Variants in ARHGAP10 observed in about 807,000 individuals in gnomAD.
The protein encoded by ARHGAP10 is Rho GTPase activating protein 10.
ARHGAP10 carries 87 observed loss-of-function variants against 108.6 expected under a neutral mutation model. That is an observed-to-expected ratio of 0.80 (90% CI 0.67 to 0.96). The LOEUF is 0.96. ARHGAP10 is among the 40% of genes least tolerant of loss of function. The probability of loss-of-function intolerance (pLI) is 0.00; values close to 1 mark genes in which losing one functional copy is unlikely to be tolerated. For missense variants in ARHGAP10, 939 were observed against 954.5 expected, an observed-to-expected ratio of 0.98 and a Z score of 0.21; for synonymous variants, 347 against 341.1, an observed-to-expected ratio of 1.02 and a Z score of -0.19.
intron 20 of ARHGAP10, among the ~76,000 whole-genome samples, chr4:148,055,952 C>T (rs1178700855): frequency 6.6e-6 from 1 of 152,150 alleles, no homozygotes; most frequent in Non-Finnish European, 1.5e-5. Flanking sequence ...ACGTCCCTTC[C>T]AGGCTTCTTA....
At chr4:147,789,061 CT>C (rs1468179461) in intron 1 of ARHGAP10, among the ~76,000 whole-genome samples, 1 of 152,164 alleles carries the variant, frequency 6.6e-6, no homozygotes, top group Non-Finnish European at 1.5e-5. Flanking sequence ...GTGGTGACTG[CT>C]TTTGTGAGTG....
At chr4:147,738,556 C>T (rs555025947) in intron 1 of ARHGAP10, among the ~76,000 whole-genome samples, 1 of 151,036 alleles carries the variant, frequency 6.6e-6, no homozygotes, top group Non-Finnish European at 1.5e-5. Context: ...CTGTCTCCCC[C>T]CCCCAAAAAA....
At chr4:147,739,615 T>C (rs566720703) in intron 1 of ARHGAP10, among the ~76,000 whole-genome samples, 109 of 152,326 alleles carry the variant, frequency 7.2e-4, no homozygotes, top group African/African-American at 2.5e-3. Context: ...GGGATTTTCC[T>C]AAGAGCTGTT....
intron 10 of ARHGAP10, among the ~76,000 whole-genome samples, chr4:147,889,136 A>G (rs1282997396): frequency 2.0e-5 from 3 of 152,198 alleles, no homozygotes; most frequent in South Asian, 2.1e-4. Context: ...ATTAGATTCA[A>G]TCAAGCAACT....
chr4:147,874,578 C>CT (rs1443301657), intron 7 of ARHGAP10, among the ~76,000 whole-genome samples: 1 of 152,180 alleles, frequency 6.6e-6, no homozygotes, highest in Non-Finnish European at 1.5e-5. Context: ...TTTTCAGATT[C>CT]TGAGTATTTA....
intron 18 of ARHGAP10, among the ~76,000 whole-genome samples, chr4:148,022,510 G>A (rs1456594547): frequency 6.6e-6 from 1 of 152,224 alleles, no homozygotes; most frequent in African/African-American, 2.4e-5. Context: ...CAGCTATGGA[G>A]GGTCTATTAT....
chr4:147,732,205 C>T lies in ARHGAP10; in HGVS notation c.-97C>T, dbSNP rs1578976399. 19 of 1,298,652 alleles carry T rather than the reference C, an allele frequency of 1.5e-5. No homozygotes were observed. The East Asian group carries it at 5.9e-4, about 40-fold the overall frequency. The allele number at this position is 1,298,652 out of a possible 1,614,324, so 80.4% of individuals were successfully genotyped here. On this transcript the variant is annotated 5_prime_UTR_variant, in exon 1 of 23. Coordinates refer to ENST00000336498, the MANE Select transcript of ARHGAP10 (RefSeq NM_024605.4). ...GCCCGGGCCTGCTAGCTCCTCTGTG[C>T]TCCCTGAACGCGCGGCGCCGCACCT... is the stretch of plus-strand genomic sequence containing the variant.
At chr4:148,060,508 C>T (rs575936556) in intron 20 of ARHGAP10, among the ~76,000 whole-genome samples, 144 of 152,218 alleles carry the variant, frequency 9.5e-4, no homozygotes, top group Non-Finnish European at 1.2e-3. Flanking sequence ...CCTTCCCAGC[C>T]GACAAGCCTC....
rs531409987 is a variant in ARHGAP10, at chr4:147,792,054, TGTGGTAGCAC to T, written c.155-30669_155-30660del. 2.6e-5 allele frequency among the ~76,000 whole-genome samples: 4 copies of T among 152,364 alleles called. No individual in the cohort carries two copies. In the East Asian group the frequency reaches 7.7e-4, roughly 29 times the overall value. On this transcript the variant is annotated intron_variant, in intron 1 of 22. Coordinates refer to ENST00000336498, the MANE Select transcript of ARHGAP10 (RefSeq NM_024605.4). Reference sequence around the variant, plus strand: ...ACATCACGTGAGAGTAGAATTGCTGTGTGGTAGCACGTGAGCGTCTTTCACTCCAGGGTTG... The same window carrying T: ...ACATCACGTGAGAGTAGAATTGCTGTGTGAGCGTCTTTCACTCCAGGGTTG...
chr4:148,069,765 C>G (rs997645159), intron 22 of ARHGAP10, among the ~76,000 whole-genome samples: 46 of 152,140 alleles, frequency 3.0e-4, no homozygotes, highest in African/African-American at 8.9e-4. Flanking sequence ...ATCTAGGTAG[C>G]CAGGAGTCTC....
rs201445690 is a variant in ARHGAP10 at position 147,905,111 on chromosome 4, C to G, written c.1035-1527C>G. On this transcript the variant is annotated intron_variant, in intron 10 of 22. Coordinates refer to ENST00000336498, the MANE Select transcript of ARHGAP10 (RefSeq NM_024605.4). ...TTTTTCTTGTAAATTTATTTGAGTT[C>G]ATTGTAGATTCTGGATATTAGCTCT... 5.1e-4 allele frequency among the ~76,000 whole-genome samples: 77 copies of G among 152,184 alleles called. No homozygotes were observed. In the East Asian group the frequency reaches 0.014, roughly 29 times the overall value.
At chr4:147,813,386 G>T (rs1237394462) in intron 1 of ARHGAP10, among the ~76,000 whole-genome samples, 2 of 152,274 alleles carry the variant, frequency 1.3e-5, no homozygotes, top group Non-Finnish European at 2.9e-5. Context: ...GATTTGATTG[G>T]GATGGGACAC....
chr4:147,814,872 T>C (rs1732176444), intron 1 of ARHGAP10, among the ~76,000 whole-genome samples: 1 of 152,164 alleles, frequency 6.6e-6, no homozygotes, highest in Admixed American at 6.5e-5. Context: ...TAAGGACACA[T>C]TCTCAGGTTC....
chr4:147,980,706 G>A (rs1004821400), intron 18 of ARHGAP10, among the ~76,000 whole-genome samples: 1 of 151,924 alleles, frequency 6.6e-6, no homozygotes, highest in Non-Finnish European at 1.5e-5. Context: ...TACTGATTCA[G>A]TTTCATTACT....
At chr4:147,948,259 C>G (rs1167045099) in intron 15 of ARHGAP10, among the ~76,000 whole-genome samples, 2 of 152,120 alleles carry the variant, frequency 1.3e-5, no homozygotes, top group Non-Finnish European at 2.9e-5. Context: ...TCTGAAACAT[C>G]ATATTACTGT....
intron 19 of ARHGAP10, among the ~76,000 whole-genome samples, chr4:148,032,578 T>C (rs2149670834): frequency 6.6e-6 from 1 of 152,124 alleles, no homozygotes; most frequent in East Asian, 1.9e-4. Flanking sequence ...TATATATAAG[T>C]GTATTAGGGT....
At chr4:147,963,742 C>T (rs1175687220) in intron 16 of ARHGAP10, among the ~76,000 whole-genome samples, 1 of 152,192 alleles carries the variant, frequency 6.6e-6, no homozygotes, top group Non-Finnish European at 1.5e-5. Context: ...GCCGTGCTCC[C>T]TCTGAAGACT....
chr4:147,749,936 C>T (rs568295706), intron 1 of ARHGAP10, among the ~76,000 whole-genome samples: 2 of 152,328 alleles, frequency 1.3e-5, no homozygotes, highest in East Asian at 3.9e-4. Flanking sequence ...CAGAATGTAT[C>T]ACTTAACCAC....
chr4:147,758,240 G>C (rs550845175), intron 1 of ARHGAP10, among the ~76,000 whole-genome samples: 1 of 149,910 alleles, frequency 6.7e-6, no homozygotes, highest in East Asian at 2.0e-4. Flanking sequence ...TGCAGCCTGG[G>C]CAACAAGAGC....
Sources: allele counts gnomAD v4.1 joint callset (sites outside exome capture counted in the v4.1 genomes callset), GRCh38; gene constraint gnomAD v4.1.1; transcripts MANE v1.5; gene names NCBI Gene and HGNC (gene_info 2026-07-23, HGNC 2026-07-21).